Variants in NTN1 observed in about 807,000 individuals in gnomAD.
NTN1 encodes the protein netrin 1.
In NTN1, 11 loss-of-function variants were observed where a neutral mutation model predicts 54.2. The observed-to-expected ratio is 0.20, with a 90% CI of 0.13 to 0.34. The LOEUF (loss-of-function observed/expected upper bound fraction) is 0.34. NTN1 is among the 10% of genes least tolerant of loss of function. NTN1 has a pLI of 1.00. For synonymous variants in NTN1, 371 were observed against 382.0 expected (o/e 0.97, Z 0.33); for missense variants, 740 against 893.1 (o/e 0.83, Z 2.18).
At chr17:9,091,395 C>T (rs71371886) in intron 2 of NTN1, among the ~76,000 whole-genome samples, 2 of 151,566 alleles carry the variant, frequency 1.3e-5, no homozygotes, top group South Asian at 2.1e-4. Flanking sequence ...GCTGGAACTA[C>T]AGGCTCAAGC....
chr17:9,065,103 A>T (rs1211907815), intron 2 of NTN1, among the ~76,000 whole-genome samples: 1 of 152,030 alleles, frequency 6.6e-6, no homozygotes. Flanking sequence ...CAACCGGCTA[A>T]TTTTTGTATT....
At chr17:9,065,322 G>A (rs1371445381) in intron 2 of NTN1, among the ~76,000 whole-genome samples, 2 of 152,104 alleles carry the variant, frequency 1.3e-5, no homozygotes, top group African/African-American at 4.8e-5. Flanking sequence ...TTCCCTGCCA[G>A]TCTGACCCCA....
upstream of NTN1, among the ~76,000 whole-genome samples, chr17:9,021,267 C>T (rs1257604229): frequency 6.6e-6 from 1 of 151,786 alleles, no homozygotes; most frequent in African/African-American, 2.4e-5. Context: ...CGGCCCAGCC[C>T]CCTCTCCGGG....
Position 9,112,774 on chromosome 17 carries a change from C to T in NTN1, c.1019-50039C>T, listed in dbSNP as rs184099130. 9.6e-5 allele frequency among the ~76,000 whole-genome samples: 13 copies of T among 135,924 alleles called. No individual in the cohort carries two copies. The East Asian group carries it at 2.3e-3, about 24-fold the overall frequency. The allele number at this position is 135,924 out of a possible 152,430, so 89.2% of individuals were successfully genotyped here. The stretch of plus-strand genomic sequence containing the variant: ...CTGCGGGGTGGAGCCTGCAGTGAGC[C>T]GAGATCGCGCCACTGCACTCCAGCC... On this transcript the variant is annotated intron_variant, in intron 2 of 6. Transcript: ENST00000173229.
chr17:9,173,864 T>G (rs1188263833), intron 3 of NTN1: 1 of 152,286 alleles, frequency 6.6e-6, no homozygotes, highest in African/African-American at 2.4e-5. Flanking sequence ...CCCTTGGAAG[T>G]CTTGTGAGGA....
intron 5 of NTN1, among the ~76,000 whole-genome samples, chr17:9,199,718 G>A (rs939309873): frequency 2.6e-5 from 4 of 152,262 alleles, no homozygotes; most frequent in Admixed American, 6.5e-5. Flanking sequence ...AACTACAAGG[G>A]GGTCGCTGGG....
chr17:9,114,375 A>G (rs556966199), intron 2 of NTN1, among the ~76,000 whole-genome samples: 1 of 151,570 alleles, frequency 6.6e-6, no homozygotes, highest in Admixed American at 6.6e-5. Flanking sequence ...AGTTACTTTT[A>G]ATTACAAAAT....
intron 5 of NTN1, among the ~76,000 whole-genome samples, chr17:9,188,256 C>T (rs1393605492): frequency 6.6e-6 from 1 of 152,022 alleles, no homozygotes; most frequent in Non-Finnish European, 1.5e-5. Context: ...TGGTGAAACC[C>T]CATCTCTACT....
Position 9,219,356 on chromosome 17 carries a change from G to A in NTN1, c.1412-1812G>A, listed in dbSNP as rs1905280881. On this transcript the variant is annotated intron_variant, in intron 5 of 6. Transcript: ENST00000173229. This position sits in a 1 kb window ranked among gnomAD's most constrained non-coding sequence, Gnocchi z 4.5. The stretch of plus-strand genomic sequence containing the variant: ...TGCTATCCAGATGGCAGGAGGGATG[G>A]GGACTGTGGCCACCAGTGCCATGGA... Among the ~76,000 whole-genome samples, 1 of 152,180 alleles carries A rather than the reference G, an allele frequency of 6.6e-6. No homozygotes were observed.
At chr17:9,050,204 G>A (rs184202917) in intron 2 of NTN1, among the ~76,000 whole-genome samples, 1,532 of 151,444 alleles carry the variant, frequency 0.01, 27 homozygotes, top group African/African-American at 0.033. Context: ...CTGAGATTGC[G>A]CCACTGCACT....
chr17:9,186,193 C>T (rs971334612), intron 5 of NTN1, among the ~76,000 whole-genome samples: 1 of 152,212 alleles, frequency 6.6e-6, no homozygotes, highest in Non-Finnish European at 1.5e-5. Flanking sequence ...TCAATACTCC[C>T]TCCCTGGCTG....
At chr17:9,065,260 A>G (rs1417026204) in intron 2 of NTN1, among the ~76,000 whole-genome samples, 5 of 152,038 alleles carry the variant, frequency 3.3e-5, no homozygotes, top group African/African-American at 9.7e-5. Context: ...TTAAAAAGCA[A>G]TACCCTTGCT....
intron 2 of NTN1, among the ~76,000 whole-genome samples, chr17:9,051,832 G>T (rs1161024690): frequency 2.0e-5 from 3 of 152,068 alleles, no homozygotes; most frequent in African/African-American, 7.2e-5. Context: ...TTTGACCAGT[G>T]TCTATCCATC....
chr17:9,181,984 T>A (rs527861801), intron 4 of NTN1, among the ~76,000 whole-genome samples: 1 of 152,338 alleles, frequency 6.6e-6, no homozygotes, highest in Non-Finnish European at 1.5e-5. Flanking sequence ...TTTATTATTA[T>A]ATATACTTTT....
chr17:9,161,555 AG>A (rs2092357126), intron 2 of NTN1, among the ~76,000 whole-genome samples: 1 of 152,086 alleles, frequency 6.6e-6, no homozygotes, highest in Non-Finnish European at 1.5e-5. Context: ...TGAGGTGGGA[AG>A]GTCACAAGGT....
intron 2 of NTN1, among the ~76,000 whole-genome samples, chr17:9,112,889 C>CA (rs1345187832): frequency 1.3e-5 from 2 of 151,788 alleles, no homozygotes; most frequent in Non-Finnish European, 2.9e-5. Context: ...CTAGCATCCC[C>CA]AAGCTCAAGA....
intron 2 of NTN1, among the ~76,000 whole-genome samples, chr17:9,147,286 A>T (rs922467530): frequency 6.6e-6 from 1 of 152,202 alleles, no homozygotes; most frequent in African/African-American, 2.4e-5. Context: ...TGGGCAGATC[A>T]CGAGGTCAGG....
intron 2 of NTN1, among the ~76,000 whole-genome samples, chr17:9,110,717 C>T (rs2142250961): frequency 6.6e-6 from 1 of 152,304 alleles, no homozygotes; most frequent in South Asian, 2.1e-4. Context: ...CTCAGCAGAG[C>T]TGGTTTGCTC....
the NTN1 span, among the ~76,000 whole-genome samples, chr17:9,003,880 T>C: frequency 6.7e-6 from 1 of 149,524 alleles, no homozygotes; most frequent in South Asian, 2.1e-4. The surrounding 1 kb of genome is among the most constrained non-coding windows in gnomAD (Gnocchi z 7.4). Context: ...CCAGAATAAA[T>C]CGCCGCCGCG....
Sources: gnomAD v4.1 joint callset for allele counts (sites outside exome capture counted in the v4.1 genomes callset) on GRCh38, gnomAD v4.1.1 for gene constraint, Gnocchi (gnomAD v3.1) non-coding constraint, MANE v1.5 for transcripts, NCBI Gene and HGNC (gene_info 2026-07-23, HGNC 2026-07-21) for gene names.